The following ZNF529 variants were observed in gnomAD, a reference collection of about 807,000 sequenced individuals.
The protein encoded by ZNF529 is zinc finger protein 529.
In ZNF529, 11 loss-of-function variants were observed where a neutral mutation model predicts 10.1. That is an observed-to-expected ratio of 1.09 (90% confidence interval 0.69 to 1.81). ZNF529 has a LOEUF of 1.81. Ranked by LOEUF, ZNF529 falls within the 40% of genes most tolerant of loss-of-function variation. The pLI is 0.00. For missense variants in ZNF529, 624 were observed against 666.8 expected (o/e 0.94, Z 0.71); for synonymous variants, 204 against 215.7 (o/e 0.95, Z 0.47).
In ZNF529 at chr19:36,547,963, A is replaced by AC. The variant is rs758619388; in HGVS notation, c.594_595insG (p.Tyr199ValfsTer2). On this transcript the variant is annotated frameshift_variant, in exon 5 of 5. Transcript: ENST00000591340. LOFTEE classifies it low-confidence loss of function (END_TRUNC). ...GTTTTCCAACATTGATTACATTCATAGTTTTTTCCACCAGTATGTATTTTC... is the reference window on the plus strand; with the variant it reads ...GTTTTCCAACATTGATTACATTCATACGTTTTTTCCACCAGTATGTATTTTC... 12 of 1,612,630 alleles carry AC rather than the reference A, an allele frequency of 7.4e-6. No individual in the cohort carries two copies. Among genetic ancestry groups the AC allele is most frequent in the Admixed American group, 1.7e-5 (1 of 59,726 alleles).
chr19:36,602,338 G>T (rs1022383466), intron 1 of ZNF529, among the ~76,000 whole-genome samples: 1 of 152,142 alleles, frequency 6.6e-6, no homozygotes, highest in Admixed American at 6.5e-5. Context: ...GAGCCACCGC[G>T]CCTGGCCACC....
intron 2 of ZNF529, among the ~76,000 whole-genome samples, chr19:36,563,868 TCA>T (rs1203180671): frequency 6.6e-6 from 1 of 152,136 alleles, no homozygotes; most frequent in African/African-American, 2.4e-5. Flanking sequence ...CTACCTGACT[TCA>T]AGCTATACTA....
intron 4 of ZNF529, among the ~76,000 whole-genome samples, chr19:36,550,477 C>T (rs560338157): frequency 2.6e-5 from 4 of 152,042 alleles, no homozygotes; most frequent in South Asian, 2.1e-4. Context: ...ACCTGGGAGA[C>T]GGAGGTTGCA....
At chr19:36,595,554 C>T (rs935889082) in intron 1 of ZNF529, among the ~76,000 whole-genome samples, 26 of 152,122 alleles carry the variant, frequency 1.7e-4, no homozygotes, top group African/African-American at 5.8e-4. Flanking sequence ...AAAAAATTAG[C>T]CAGGTGTGGT....
upstream of ZNF529, among the ~76,000 whole-genome samples, chr19:36,575,799 C>T (rs2912407): frequency 0.041 from 6,182 of 151,584 alleles, 419 homozygotes; most frequent in African/African-American, 0.14. Context: ...GGTTTAACCA[C>T]GTTATTATAG....
chr19:36,575,304 T>TA (rs1370726155), upstream of ZNF529, among the ~76,000 whole-genome samples: 1 of 152,146 alleles, frequency 6.6e-6, no homozygotes, highest in Non-Finnish European at 1.5e-5. Context: ...AACTAGGAGG[T>TA]AAAATTATAA....
chr19:36,570,636 G>C (rs1301408016), intron 2 of ZNF529, among the ~76,000 whole-genome samples: 2 of 152,186 alleles, frequency 1.3e-5, no homozygotes, highest in African/African-American at 4.8e-5. Context: ...GAGCATAACA[G>C]CTTTTCTGAG....
intron 4 of ZNF529, among the ~76,000 whole-genome samples, chr19:36,551,298 T>A (rs2035247910): frequency 6.6e-6 from 1 of 152,158 alleles, no homozygotes; most frequent in Non-Finnish European, 1.5e-5. Flanking sequence ...AGGGAGGGTA[T>A]GGAATGAGCC....
intron 2 of ZNF529, among the ~76,000 whole-genome samples, chr19:36,584,733 C>G (rs1247050700): frequency 2.0e-5 from 3 of 150,512 alleles, no homozygotes; most frequent in Non-Finnish European, 4.4e-5. Flanking sequence ...CCCCACTGCA[C>G]TCCACCCTGG....
At chr19:36,549,576 C>A (rs1600246209) in intron 4 of ZNF529, among the ~76,000 whole-genome samples, 1 of 152,144 alleles carries the variant, frequency 6.6e-6, no homozygotes. Context: ...CAGTAAGATA[C>A]ATAAATATGG....
At chr19:36,591,391 AACTT>A (rs2036710560) in intron 1 of ZNF529, among the ~76,000 whole-genome samples, 1 of 152,222 alleles carries the variant, frequency 6.6e-6, no homozygotes, top group Admixed American at 6.5e-5. Flanking sequence ...AAAAATATAT[AACTT>A]ACTGAAACAC....
chr19:36,565,123 A>AC (rs1568594799), intron 2 of ZNF529, among the ~76,000 whole-genome samples: 3 of 152,202 alleles, frequency 2.0e-5, no homozygotes, highest in Admixed American at 1.3e-4. Flanking sequence ...AAGAGTTGAA[A>AC]AACTATTGGG....
chr19:36,572,397 A>G lies in ZNF529; in HGVS notation c.-46-5T>C, dbSNP rs1468458404. On this transcript the variant is annotated splice_region_variant and splice_polypyrimidine_tract_variant and intron_variant, in intron 1 of 4. Transcript: ENST00000591340. ...AGGGGGCCTTCACTTGCAGAACTAC[A>G]TAACCAAGAGGGAGAAAGGACTCAT... is the stretch of plus-strand genomic sequence containing the variant. 1.6e-5 allele frequency: 25 copies of G among 1,549,246 alleles called. No individual in the cohort carries two copies. In the South Asian group the frequency reaches 2.6e-4, roughly 16 times the overall value.
chr19:36,555,996 G>T, intron 3 of ZNF529, 108 bp downstream of exon 3: 1 of 1,147,850 alleles, frequency 8.7e-7, no homozygotes, highest in Non-Finnish European at 1.2e-6. Flanking sequence ...GCCCTTACTA[G>T]AAAGCGAAGA....
At chr19:36,578,795 C>T (rs183350477) in intron 2 of ZNF529, among the ~76,000 whole-genome samples, 92 of 151,794 alleles carry the variant, frequency 6.1e-4, no homozygotes, top group African/African-American at 1.8e-3. Context: ...CAGATGGTTT[C>T]GCCATTTGAC....
chr19:36,557,600 A>G (rs982235909), intron 2 of ZNF529, among the ~76,000 whole-genome samples: 5 of 152,216 alleles, frequency 3.3e-5, no homozygotes, highest in African/African-American at 4.8e-5. Flanking sequence ...TGCCCTTGAC[A>G]TGTGGGGATT....
At chr19:36,604,543 G>A (rs1449169864) in intron 1 of ZNF529, among the ~76,000 whole-genome samples, 1 of 152,156 alleles carries the variant, frequency 6.6e-6, no homozygotes, top group Non-Finnish European at 1.5e-5. Flanking sequence ...GCATGCCACT[G>A]TGTATTATGC....
chr19:36,601,459 G>C (rs1037620050), intron 1 of ZNF529, among the ~76,000 whole-genome samples: 6 of 152,010 alleles, frequency 3.9e-5, no homozygotes, highest in African/African-American at 1.5e-4. Flanking sequence ...GGCTGAGGTG[G>C]GAGGACTGCT....
chr19:36,558,236 A>G (rs1299181737), intron 2 of ZNF529, among the ~76,000 whole-genome samples: 1 of 151,844 alleles, frequency 6.6e-6, no homozygotes, highest in East Asian at 1.9e-4. Context: ...GGTGAGAGAG[A>G]AAAAAAAGGA....
Sources: allele counts gnomAD v4.1 joint callset (sites outside exome capture counted in the v4.1 genomes callset), GRCh38; gene constraint gnomAD v4.1.1; transcripts MANE v1.5; gene names NCBI Gene and HGNC (gene_info 2026-07-23, HGNC 2026-07-21).